The following LRP1B variants were observed in gnomAD, a reference collection of about 807,000 sequenced individuals.
LRP1B encodes the protein low-density lipoprotein receptor-related protein 1B.
In LRP1B, 217 loss-of-function variants were observed where a neutral mutation model predicts 556.6. The observed-to-expected ratio is 0.39, with a 90% CI of 0.35 to 0.44. The LOEUF (loss-of-function observed/expected upper bound fraction) is 0.44. LRP1B is among the 20% of genes least tolerant of loss of function. The probability of loss-of-function intolerance (pLI) is 1.00; values close to 1 mark genes in which losing one functional copy is unlikely to be tolerated. For synonymous variants in LRP1B, 2,047 were observed against 1,865.8 expected (o/e 1.10, Z -2.50); for missense variants, 5,053 against 5,620.8 (o/e 0.90, Z 3.23).
chr2:140,485,201 G>GT (rs1165299831), intron 59 of LRP1B, 142 bp downstream of exon 59: 27 of 466,510 alleles, frequency 5.8e-5, no homozygotes, highest in Middle Eastern at 9.1e-4. Flanking sequence ...TCACATTACT[G>GT]TTTTTTTCTA....
intron 41 of LRP1B, among the ~76,000 whole-genome samples, chr2:140,662,679 C>A (rs556566709): frequency 1.3e-5 from 2 of 152,224 alleles, no homozygotes; most frequent in South Asian, 4.1e-4. Context: ...AAGAATGACT[C>A]TGAAAACTGC....
intron 41 of LRP1B, among the ~76,000 whole-genome samples, chr2:140,665,995 T>TA (rs1491480355): frequency 2.9e-3 from 253 of 87,388 alleles, no homozygotes; most frequent in Non-Finnish European, 1.9e-3. Context: ...AAAAAAAAAA[T>TA]TTTTTTTTTT....
chr2:140,348,683 T>C (rs999460699), intron 77 of LRP1B, among the ~76,000 whole-genome samples: 3 of 152,094 alleles, frequency 2.0e-5, no homozygotes, highest in Non-Finnish European at 4.4e-5. Context: ...AGCTTTGCCA[T>C]TGGATATGAA....
At chr2:140,823,594 T>C (rs535325241) in intron 31 of LRP1B, among the ~76,000 whole-genome samples, 13 of 152,198 alleles carry the variant, frequency 8.5e-5, no homozygotes, top group African/African-American at 3.1e-4. Context: ...TCTGAAGGAA[T>C]CTTTTAAAGT....
chr2:140,351,843 C>T (rs556561613), intron 76 of LRP1B, among the ~76,000 whole-genome samples: 175 of 152,162 alleles, frequency 1.2e-3, no homozygotes, highest in South Asian at 1.9e-3. Flanking sequence ...ATGTGTCAGA[C>T]GCTATGTTAA....
intron 6 of LRP1B, among the ~76,000 whole-genome samples, chr2:141,218,103 A>G (rs1313203953): frequency 6.6e-6 from 1 of 152,192 alleles, no homozygotes; most frequent in Admixed American, 6.5e-5. Context: ...ATTGAAGAAA[A>G]AAAAGGAAAC....
At chr2:141,535,312 G>T (rs1447577387) in intron 2 of LRP1B, among the ~76,000 whole-genome samples, 1 of 152,026 alleles carries the variant, frequency 6.6e-6, no homozygotes, top group Non-Finnish European at 1.5e-5. Flanking sequence ...AACTTTTTAT[G>T]CACGTAAAGT....
At chr2:140,461,515 C>T (rs901260472) in intron 60 of LRP1B, among the ~76,000 whole-genome samples, 1 of 152,024 alleles carries the variant, frequency 6.6e-6, no homozygotes, top group Admixed American at 6.6e-5. Flanking sequence ...ACTTTATGCC[C>T]AGCAATCACT....
At chr2:141,065,187 G>A (rs530610458) in intron 7 of LRP1B, among the ~76,000 whole-genome samples, 1 of 151,692 alleles carries the variant, frequency 6.6e-6, no homozygotes, top group Non-Finnish European at 1.5e-5. Flanking sequence ...TTTACATTTC[G>A]TTCCGTTGGC....
At chr2:140,651,720 T>C (rs2105321884) in intron 41 of LRP1B, among the ~76,000 whole-genome samples, 1 of 152,086 alleles carries the variant, frequency 6.6e-6, no homozygotes, top group South Asian at 2.1e-4. Context: ...TTGCAGTAGA[T>C]GAGGGAGTCA....
chr2:140,464,730 C>T (rs1558900570), intron 60 of LRP1B, among the ~76,000 whole-genome samples: 1 of 152,166 alleles, frequency 6.6e-6, no homozygotes, highest in African/African-American at 2.4e-5. Context: ...CTGAGCCTGA[C>T]TATAAGTACT....
chr2:141,923,144 T>C (rs1013551214), intron 1 of LRP1B, among the ~76,000 whole-genome samples: 1 of 151,680 alleles, frequency 6.6e-6, no homozygotes, highest in Non-Finnish European at 1.5e-5. Context: ...CTGTGAGAAC[T>C]GAAGGAGATT....
At position 140,541,002 on chromosome 2, in the gene LRP1B, C is replaced by T. The variant is rs754008978; in HGVS notation, c.7484G>A (p.Arg2495Gln). 2.0e-5 allele frequency: 32 copies of T among 1,611,062 alleles called. No homozygotes were observed. Among genetic ancestry groups the T allele is most frequent in the South Asian group, 8.8e-5 (8 of 90,840 alleles). Residue 2495 changes from arginine to glutamine, a missense_variant, in exon 45 of 91, where the codon CGA becomes CAA. Coordinates refer to ENST00000389484, the MANE Select transcript of LRP1B (RefSeq NM_018557.3). Reference sequence around the variant, plus strand: ...ACATCTGTTGTCCTCTAGCAATATTCGGTCCCCTCTGCAGGAACAATTCAC... The same window carrying T: ...ACATCTGTTGTCCTCTAGCAATATTTGGTCCCCTCTGCAGGAACAATTCAC... ...GRVNCSCRGDRILLEDNRCVT... is the reference protein window; with the variant it reads ...GRVNCSCRGDQILLEDNRCVT...
At chr2:141,064,664 C>T (rs756754993) in intron 7 of LRP1B, among the ~76,000 whole-genome samples, 6 of 151,840 alleles carry the variant, frequency 4.0e-5, no homozygotes, top group Non-Finnish European at 8.8e-5. Context: ...CTATTGAGTG[C>T]CTATAGTCAC....
At chr2:140,608,077 T>C (rs1682935794) in intron 41 of LRP1B, among the ~76,000 whole-genome samples, 2 of 152,046 alleles carry the variant, frequency 1.3e-5, no homozygotes, top group Admixed American at 1.3e-4. Flanking sequence ...AAATTAAAAA[T>C]CTACACTGTA....
chr2:141,974,048 A>C (rs549626851), intron 1 of LRP1B, among the ~76,000 whole-genome samples: 8 of 151,948 alleles, frequency 5.3e-5, no homozygotes, highest in Non-Finnish European at 1.0e-4. Flanking sequence ...TGAATTGATT[A>C]CATCCAAGTT....
At chr2:141,278,508 G>A (rs1558977248) in intron 3 of LRP1B, among the ~76,000 whole-genome samples, 1 of 152,016 alleles carries the variant, frequency 6.6e-6, no homozygotes, top group African/African-American at 2.4e-5. Context: ...CATGTACTGG[G>A]TCACGTTGCT....
At chr2:141,436,449 A>C (rs545057873) in intron 3 of LRP1B, among the ~76,000 whole-genome samples, 31 of 152,324 alleles carry the variant, frequency 2.0e-4, no homozygotes, top group Admixed American at 2.0e-3. Context: ...ATCAAAGGGT[A>C]CAAAACATTC....
At chr2:141,148,592 GA>G (rs1189292829) in intron 7 of LRP1B, among the ~76,000 whole-genome samples, 3 of 152,138 alleles carry the variant, frequency 2.0e-5, no homozygotes, top group Non-Finnish European at 2.9e-5. Flanking sequence ...CCAGTTGAAG[GA>G]ATCTGTCATC....
Sources: allele counts gnomAD v4.1 joint callset (sites outside exome capture counted in the v4.1 genomes callset), GRCh38; gene constraint gnomAD v4.1.1; transcripts MANE v1.5; gene names NCBI Gene and HGNC (gene_info 2026-07-23, HGNC 2026-07-21).